The following PRELID2 variants were observed in gnomAD, a reference collection of about 807,000 sequenced individuals.
PRELID2 encodes the protein PRELI domain-containing protein 2.
Under a neutral mutation model 28.4 loss-of-function variants are expected in PRELID2, and 25 were observed. That is an observed-to-expected ratio of 0.88 (90% CI 0.64 to 1.23). The LOEUF is 1.23. PRELID2 is among the 50% of genes most tolerant of loss of function. PRELID2 has a pLI of 0.00. For missense variants in PRELID2, 201 were observed against 214.4 expected (o/e 0.94, Z 0.39); for synonymous variants, 76 against 71.6 (o/e 1.06, Z -0.31).
At chr5:145,259,930 G>A in the PRELID2 span, among the ~76,000 whole-genome samples, 1 of 152,176 alleles carries the variant, frequency 6.6e-6, no homozygotes, top group Non-Finnish European at 1.5e-5. Context: ...TGTTGGATGT[G>A]AGGTCTGGTG....
the PRELID2 span, among the ~76,000 whole-genome samples, chr5:145,245,011 C>T: frequency 6.6e-6 from 1 of 151,974 alleles, no homozygotes; most frequent in African/African-American, 2.4e-5. Context: ...ACATTTTTCT[C>T]TTTATGTTAT....
At chr5:145,740,593 A>C (rs1294869878) in intron 1 of PRELID2, among the ~76,000 whole-genome samples, 1 of 2,064 alleles carries the variant, frequency 4.8e-4, no homozygotes. Flanking sequence ...ATATATATAA[A>C]TATATATATA....
At chr5:145,534,082 A>G (rs1752679971) in intron 1 of PRELID2, among the ~76,000 whole-genome samples, 2 of 152,034 alleles carry the variant, frequency 1.3e-5, no homozygotes, top group African/African-American at 4.8e-5. Flanking sequence ...TCTTTATTGT[A>G]GTAAAAGGAA....
At chr5:145,587,966 G>A (rs1226216292) in intron 1 of PRELID2, among the ~76,000 whole-genome samples, 1 of 152,124 alleles carries the variant, frequency 6.6e-6, no homozygotes, top group Non-Finnish European at 1.5e-5. Context: ...TTAGAAAGAG[G>A]GAGTAGAAAT....
the PRELID2 span, among the ~76,000 whole-genome samples, chr5:145,293,893 A>G: frequency 6.6e-6 from 1 of 152,196 alleles, no homozygotes; most frequent in Non-Finnish European, 1.5e-5. Context: ...TACCTGGCCA[A>G]TGGCATCCAT....
chr5:145,261,878 T>C, the PRELID2 span, among the ~76,000 whole-genome samples: 16 of 152,100 alleles, frequency 1.1e-4, no homozygotes, highest in Non-Finnish European at 4.4e-5. Flanking sequence ...AGAAAGTCCA[T>C]TATTAAGCTA....
chr5:145,591,455 C>G (rs909731585), intron 1 of PRELID2, among the ~76,000 whole-genome samples: 3 of 151,940 alleles, frequency 2.0e-5, no homozygotes, highest in African/African-American at 7.3e-5. Flanking sequence ...TTTCATAGTA[C>G]AAAAGGAAGT....
the PRELID2 span, among the ~76,000 whole-genome samples, chr5:145,328,414 G>T: frequency 6.6e-6 from 1 of 152,108 alleles, no homozygotes; most frequent in Non-Finnish European, 1.5e-5. Flanking sequence ...GTGTAAAAGC[G>T]TTGCTATTTC....
At chr5:145,689,456 G>A (rs913972835) in intron 1 of PRELID2, among the ~76,000 whole-genome samples, 6 of 152,148 alleles carry the variant, frequency 3.9e-5, no homozygotes, top group African/African-American at 1.4e-4. Flanking sequence ...CTCTCTCATT[G>A]GCAAAGCCTA....
chr5:145,575,614 A>T (rs942672507), intron 1 of PRELID2, among the ~76,000 whole-genome samples: 1 of 152,058 alleles, frequency 6.6e-6, no homozygotes, highest in African/African-American at 2.4e-5. Flanking sequence ...AGGGATTTTT[A>T]AAATAAATAC....
At chr5:145,477,122 G>C (rs1192695018) in intron 1 of PRELID2, among the ~76,000 whole-genome samples, 1 of 152,138 alleles carries the variant, frequency 6.6e-6, no homozygotes, top group Admixed American at 6.6e-5. Context: ...AGAAACTCCA[G>C]ATCTACCTCC....
intron 5 of PRELID2, among the ~76,000 whole-genome samples, chr5:145,790,486 G>A (rs189177166): frequency 6.6e-6 from 1 of 152,168 alleles, no homozygotes; most frequent in Non-Finnish European, 1.5e-5. Flanking sequence ...GGAGGTGCGA[G>A]AGAATAAGGA....
the PRELID2 span, among the ~76,000 whole-genome samples, chr5:145,359,419 A>G: frequency 6.6e-6 from 1 of 152,178 alleles, no homozygotes; most frequent in Non-Finnish European, 1.5e-5. Context: ...GAGATTGGCT[A>G]TTTAGGAAGA....
At chr5:145,476,692 G>C (rs972292466) in intron 1 of PRELID2, among the ~76,000 whole-genome samples, 2 of 152,038 alleles carry the variant, frequency 1.3e-5, no homozygotes, top group Admixed American at 1.3e-4. Flanking sequence ...TTCTCAAAGA[G>C]TATGAGACTT....
the PRELID2 span, among the ~76,000 whole-genome samples, chr5:145,235,203 T>C: frequency 2.0e-5 from 3 of 151,970 alleles, no homozygotes; most frequent in Admixed American, 6.6e-5. Flanking sequence ...TAACTGAGGG[T>C]CAAACACTCA....
intron 6 of PRELID2, among the ~76,000 whole-genome samples, chr5:145,760,804 T>C (rs766016031): frequency 6.6e-6 from 1 of 152,226 alleles, no homozygotes; most frequent in Non-Finnish European, 1.5e-5. Context: ...CTCTGCTATG[T>C]TGTCAAATCT....
At chr5:145,378,903 T>A in the PRELID2 span, among the ~76,000 whole-genome samples, 30 of 152,326 alleles carry the variant, frequency 2.0e-4, no homozygotes, top group African/African-American at 7.2e-4. Flanking sequence ...TGATTCTTTT[T>A]CATCTTTGTG....
chr5:145,720,738 A>G (rs1755965471), intron 1 of PRELID2, among the ~76,000 whole-genome samples: 1 of 152,004 alleles, frequency 6.6e-6, no homozygotes, highest in African/African-American at 2.4e-5. Context: ...ACAAAGGTAG[A>G]AAAATAACAT....
the PRELID2 span, among the ~76,000 whole-genome samples, chr5:145,234,089 A>T: frequency 3.9e-5 from 6 of 152,194 alleles, no homozygotes; most frequent in Non-Finnish European, 8.8e-5. Context: ...GTGGAAGGTT[A>T]TATGCAAGAG....
Sources: gnomAD v4.1 joint callset for allele counts (sites outside exome capture counted in the v4.1 genomes callset) on GRCh38, gnomAD v4.1.1 for gene constraint, MANE v1.5 for transcripts, NCBI Gene and HGNC (gene_info 2026-07-23, HGNC 2026-07-21) for gene names.